Variants in SPTB observed in about 807,000 individuals in gnomAD.
The protein encoded by SPTB is spectrin beta chain, erythrocytic.
Under a neutral mutation model 256.2 loss-of-function variants are expected in SPTB, and 45 were observed. That is an observed-to-expected ratio of 0.18 (90% CI 0.14 to 0.23). The LOEUF is 0.23. SPTB is among the 10% of genes least tolerant of loss of function. The pLI is 1.00. For missense variants in SPTB, 2,715 were observed against 3,040.4 expected (o/e 0.89, Z 2.52); for synonymous variants, 1,231 against 1,243.1 (o/e 0.99, Z 0.21).
chr14:64,875,732 CCA>C (rs112398817), intron 1 of SPTB, among the ~76,000 whole-genome samples: 4,225 of 152,202 alleles, frequency 0.028, 104 homozygotes, highest in South Asian at 0.12. Context: ...ATTCTTCTTT[CCA>C]CAGTCATTTT....
In SPTB at chr14:64,828,394, C is replaced by T. The variant is rs75090996; in HGVS notation, c.-51-5249G>A. ...TACTCAGCTCTGATGTAGGGACTGG[C>T]CCATCAGCCTTCTATCATAACAACA... On this transcript the variant is annotated intron_variant, in intron 1 of 35. Transcript: ENST00000644917. 3.1e-3 allele frequency among the ~76,000 whole-genome samples: 466 copies of T among 152,256 alleles called. 3 individuals are homozygous for T. Among genetic ancestry groups the T allele is most frequent in the African/African-American group, 0.01 (432 of 41,542 alleles).
intron 1 of SPTB, among the ~76,000 whole-genome samples, chr14:64,834,725 C>T (rs1018681119): frequency 5.3e-5 from 8 of 152,056 alleles, no homozygotes; most frequent in African/African-American, 1.7e-4. Flanking sequence ...GTGCCTGGCC[C>T]GAATCTCTAC....
chr14:64,819,021 G>A (rs369166569), intron 2 of SPTB, among the ~76,000 whole-genome samples: 2 of 152,160 alleles, frequency 1.3e-5, no homozygotes, highest in South Asian at 2.1e-4. Flanking sequence ...ATGTTAAAAC[G>A]CTAAAATCTG....
At chr14:64,761,398 C>A (rs2082091743) in intron 32 of SPTB, among the ~76,000 whole-genome samples, 1 of 152,134 alleles carries the variant, frequency 6.6e-6, no homozygotes, top group Admixed American at 6.5e-5. Context: ...GGGGAAAGAG[C>A]CAGGGCGGGG....
intron 1 of SPTB, among the ~76,000 whole-genome samples, chr14:64,835,607 TAG>T (rs1289824062): frequency 6.6e-6 from 1 of 152,128 alleles, no homozygotes; most frequent in Non-Finnish European, 1.5e-5. Context: ...ACTCTACCAC[TAG>T]AGTCGATTCA....
rs914889379 is a variant in SPTB at position 64,866,927 on chromosome 14, C to T, written c.-52+12865G>A. ...ATTGTTATGAAACAAATCTTGTGTC[C>T]GTGGATCTGAAACGCCCACTCAAAG... On this transcript the variant is annotated intron_variant, in intron 1 of 35. Transcript: ENST00000644917. The surrounding 1 kb of genome is among the most constrained non-coding windows in gnomAD (Gnocchi z 4.6). Among the ~76,000 whole-genome samples, 3 of 152,126 alleles carry T rather than the reference C, an allele frequency of 2.0e-5. No homozygotes were observed. The highest frequency in any genetic ancestry group is 6.5e-5 in the Admixed American group (1 of 15,294).
At chr14:64,858,203 G>A (rs534293817) in intron 1 of SPTB, among the ~76,000 whole-genome samples, 71 of 152,252 alleles carry the variant, frequency 4.7e-4, no homozygotes, top group African/African-American at 1.6e-3. Context: ...CACCTCACGA[G>A]GAACGGAAAT....
intron 1 of SPTB, among the ~76,000 whole-genome samples, chr14:64,860,363 A>G (rs1460513351): frequency 6.6e-6 from 1 of 152,224 alleles, no homozygotes; most frequent in Non-Finnish European, 1.5e-5. Flanking sequence ...GTGCCCCAGA[A>G]TGGGGCACTG....
intron 2 of SPTB, among the ~76,000 whole-genome samples, chr14:64,815,550 T>G (rs1264407293): frequency 1.3e-5 from 2 of 152,134 alleles, no homozygotes; most frequent in Non-Finnish European, 2.9e-5. Flanking sequence ...TGCACCAATA[T>G]CAGGCATTGT....
At chr14:64,862,873 C>CAAAA (rs5809252) in intron 1 of SPTB, among the ~76,000 whole-genome samples, 5 of 150,354 alleles carry the variant, frequency 3.3e-5, no homozygotes, top group East Asian at 1.9e-4. Flanking sequence ...ACAATAACAA[C>CAAAA]AAAAAAAAAC....
At position 64,796,811 on chromosome 14, in the gene SPTB, A is replaced by T. The variant is rs888744870; in HGVS notation, c.1183-96T>A. ...TCACCCAACACTGAGTGATTTCTGG[A>T]ATCAAGGTACAGCCTGATGCTCTTG... is the stretch of plus-strand genomic sequence containing the variant. On this transcript the variant is annotated intron_variant, in intron 10 of 35. Transcript: ENST00000644917. This position sits in a 1 kb window ranked among gnomAD's most constrained non-coding sequence, Gnocchi z 4.1. 8 of 1,510,664 alleles carry T rather than the reference A, an allele frequency of 5.3e-6. No homozygotes were observed. In the African/African-American group the frequency reaches 9.6e-5, roughly 18 times the overall value. The allele number at this position is 1,510,664 out of a possible 1,614,324, so 93.6% of individuals were successfully genotyped here. A position where few individuals can be genotyped will look rare whatever the true frequency, so the allele number is the denominator to read the frequency against.
chr14:64,876,097 T>A (rs1208848340), intron 1 of SPTB, among the ~76,000 whole-genome samples: 1 of 152,104 alleles, frequency 6.6e-6, no homozygotes, highest in East Asian at 1.9e-4. Context: ...CCGAAGTAAC[T>A]GGGATTATAG....
At chr14:64,863,230 C>T (rs1253221043) in intron 1 of SPTB, among the ~76,000 whole-genome samples, 2 of 152,168 alleles carry the variant, frequency 1.3e-5, no homozygotes, top group South Asian at 2.1e-4. Context: ...AATCTTTTGG[C>T]TTTCCTGGGC....
intron 29 of SPTB, 72 bp downstream of exon 29, chr14:64,768,962 G>A: frequency 2.4e-6 from 3 of 1,226,048 alleles, no homozygotes; most frequent in East Asian, 4.6e-5. Context: ...CACCCATTGT[G>A]GCACCTCCCC....
Position 64,771,150 on chromosome 14 carries a change from A to C in SPTB, c.5554-21T>G, listed in dbSNP as rs754450137. On this transcript the variant is annotated intron_variant, in intron 26 of 35. Transcript: ENST00000644917. ...TGCACCTGTGGTCAGGCAAAATCAG[A>C]CATTGTTCCCTGGACATTGCTCCCT... is the stretch of plus-strand genomic sequence containing the variant. 6.2e-6 allele frequency: 10 copies of C among 1,612,544 alleles called. No homozygotes were observed. In the African/African-American group the frequency reaches 1.3e-4, roughly 22 times the overall value.
At position 64,779,746 on chromosome 14, in the gene SPTB, G is replaced by C. The variant is rs143829550; in HGVS notation, c.4452C>G (p.Ser1484Arg). The C allele has an allele frequency of 6.2e-7, 1 of 1,614,096 alleles. No individual in the cohort carries two copies. Among genetic ancestry groups the C allele is most frequent in the Non-Finnish European group, 8.5e-7 (1 of 1,180,008 alleles). The change falls in exon 21 of 36, where the codon AGC (serine) becomes AGG (arginine). Residue 1484 changes from serine to arginine, a missense_variant. Physicochemically the swap from Ser to Arg is moderately radical, Grantham distance 110. Coordinates refer to ENST00000644917, the MANE Select transcript of SPTB (RefSeq NM_001355436.2). The surrounding 1 kb of genome is among the most constrained non-coding windows in gnomAD (Gnocchi z 4.2). Reference protein sequence around the residue: ...LESSRAKLQISRDLEDETLWV... With the variant: ...LESSRAKLQIRRDLEDETLWV... ...GCACCGTCTCATCCTCTAAGTCCCGGCTGATCTGCAGCTTGGCTCTGGATG... is the reference window on the plus strand; with the variant it reads ...GCACCGTCTCATCCTCTAAGTCCCGCCTGATCTGCAGCTTGGCTCTGGATG...
At chr14:64,803,885 T>C (rs2082934419) in intron 3 of SPTB, 105 bp from the exon 4 acceptor site, 2 of 1,228,902 alleles carry the variant, frequency 1.6e-6, no homozygotes. Context: ...CTCCACCCTC[T>C]TGGCCAAACA....
rs2081861196 is a variant in SPTB at position 64,747,253 on chromosome 14, A to G, written c.*2053T>C. On this transcript the variant is annotated 3_prime_UTR_variant, in exon 36 of 36. Coordinates refer to ENST00000644917, the MANE Select transcript of SPTB (RefSeq NM_001355436.2). ...GCTCCCTAAAGACTGGCCCAGGGAA[A>G]CAGTTGAGGGAGATGTTTGCCACCA... The G allele has an allele frequency of 6.6e-6, 1 of 152,488 alleles. No individual in the cohort carries two copies. The highest frequency in any genetic ancestry group is 2.1e-4 in the South Asian group (1 of 4,832). 9.4% of individuals were successfully genotyped at this position (152,488 alleles called of 1,614,324 possible). A position where few individuals can be genotyped will look rare whatever the true frequency, so the allele number is the denominator to read the frequency against.
chr14:64,855,859 T>C (rs1277411533), intron 1 of SPTB, among the ~76,000 whole-genome samples: 1 of 152,186 alleles, frequency 6.6e-6, no homozygotes, highest in African/African-American at 2.4e-5. Flanking sequence ...CACCCCTTCC[T>C]GTAGGGCTGG....
Sources: allele counts gnomAD v4.1 joint callset (sites outside exome capture counted in the v4.1 genomes callset), GRCh38; gene constraint gnomAD v4.1.1; non-coding constraint Gnocchi (gnomAD v3.1); transcripts MANE v1.5; gene names NCBI Gene and HGNC (gene_info 2026-07-23, HGNC 2026-07-21).